Variants in HSPA14 observed in about 807,000 individuals in gnomAD.
HSPA14 encodes heat shock 70 kDa protein 14.
In HSPA14, 37 loss-of-function variants were observed where a neutral mutation model predicts 65.5. The ratio of observed to expected loss-of-function variants is 0.56; its 90% CI spans 0.43 to 0.74. HSPA14 has a LOEUF of 0.74. HSPA14 is among the 30% of genes least tolerant of loss of function. The pLI, the probability that HSPA14 is intolerant of heterozygous loss-of-function variation, is 0.00. For synonymous variants in HSPA14, 203 were observed against 214.2 expected (o/e 0.95, Z 0.46); for missense variants, 564 against 607.6 (o/e 0.93, Z 0.75).
At chr10:14,867,423 C>T (rs930734982) in intron 11 of HSPA14, 128 bp downstream of exon 11, 5 of 647,810 alleles carry the variant, frequency 7.7e-6, no homozygotes, top group South Asian at 2.2e-5. Context: ...TGTATACTGA[C>T]AGGTCTTAAA....
intron 10 of HSPA14, among the ~76,000 whole-genome samples, chr10:14,865,110 T>G (rs1372569755): frequency 2.0e-5 from 3 of 152,254 alleles, no homozygotes; most frequent in Non-Finnish European, 4.4e-5. Context: ...TTTGGCTGCA[T>G]AAATGTCTTC....
rs1037305258 is a variant in HSPA14, at chr10:14,842,407, T to C, written c.221+2250T>C. 6.5e-7 allele frequency: 1 copy of C among 1,536,018 alleles called. No individual in the cohort carries two copies. The highest frequency in any genetic ancestry group is 1.4e-5 in the African/African-American group (1 of 73,054). ...TCCAGACTGTGCATCACAATGCAGA[T>C]GTCTATCAGGCTGTGTCTAAGCGAA... On this transcript the variant is annotated intron_variant, in intron 3 of 13. Coordinates refer to ENST00000378372, the MANE Select transcript of HSPA14 (RefSeq NM_016299.4). This position sits in a 1 kb window ranked among gnomAD's most constrained non-coding sequence, Gnocchi z 5.2.
rs1057301547 is a variant in HSPA14, at chr10:14,844,123, G to A, written c.221+3966G>A. On this transcript the variant is annotated intron_variant, in intron 3 of 13. Coordinates refer to ENST00000378372, the MANE Select transcript of HSPA14 (RefSeq NM_016299.4). ...ACCTAATAGAAAACGATGGAGCCAC[G>A]TTCTAGACAGCTGGTTCATCCTAGC... 3.7e-6 allele frequency: 5 copies of A among 1,350,930 alleles called. No individual in the cohort carries two copies. The African/African-American group carries it at 4.4e-5, about 12-fold the overall frequency. 83.7% of individuals were successfully genotyped at this position (1,350,930 alleles called of 1,614,324 possible). A position where few individuals can be genotyped will look rare whatever the true frequency, so the allele number is the denominator to read the frequency against.
rs1275302626 is a variant in HSPA14, at chr10:14,867,138, A to G, written c.1049A>G (p.Asp350Gly). ...CCAAAGCTACAGCAACTGATTAAAGATCTTTTCCCAGCTGTTGAGCTTCTC... is the reference window on the plus strand; with the variant it reads ...CCAAAGCTACAGCAACTGATTAAAGGTCTTTTCCCAGCTGTTGAGCTTCTC... ...RIPKLQQLIKDLFPAVELLNS... is the reference protein window; with the variant it reads ...RIPKLQQLIKGLFPAVELLNS... The change falls in exon 11 of 14, where the codon GAT becomes GGT. Residue 350 changes from aspartate to glycine, a missense_variant. Asp to Gly is a moderately conservative substitution (Grantham distance 94, BLOSUM62 -1). Coordinates refer to ENST00000378372, the MANE Select transcript of HSPA14 (RefSeq NM_016299.4). 1 of 1,613,822 alleles carries G rather than the reference A, an allele frequency of 6.2e-7. No homozygotes were observed. The highest frequency in any genetic ancestry group is 1.1e-5 in the South Asian group (1 of 91,066).
rs564464424 is a variant in HSPA14 at position 14,842,410 on chromosome 10, C to A, written c.221+2253C>A. The A allele has an allele frequency of 6.5e-7, 1 of 1,536,186 alleles. No homozygotes were observed. Among genetic ancestry groups the A allele is most frequent in the African/African-American group, 1.4e-5 (1 of 73,182 alleles). On this transcript the variant is annotated intron_variant, in intron 3 of 13. Transcript: ENST00000378372. This position sits in a 1 kb window ranked among gnomAD's most constrained non-coding sequence, Gnocchi z 5.2. ...AGACTGTGCATCACAATGCAGATGT[C>A]TATCAGGCTGTGTCTAAGCGAATGC... is the stretch of plus-strand genomic sequence containing the variant.
chr10:14,853,403 G>C (rs1240184549), intron 8 of HSPA14, among the ~76,000 whole-genome samples: 1 of 152,106 alleles, frequency 6.6e-6, no homozygotes, highest in Non-Finnish European at 1.5e-5. Context: ...AACAGTGATT[G>C]TGCTGTGATT....
Position 14,852,432 on chromosome 10 carries a change from G to A in HSPA14, c.635G>A (p.Ser212Asn). 1 of 1,613,926 alleles carries A rather than the reference G, an allele frequency of 6.2e-7. No homozygotes were observed. Among genetic ancestry groups the A allele is most frequent in the Non-Finnish European group, 8.5e-7 (1 of 1,179,828 alleles). Residue 212 changes from serine to asparagine, a missense_variant, in exon 8 of 14, where the codon AGT (serine) becomes AAT (asparagine). Transcript: ENST00000378372. Reference sequence around the variant, plus strand: ...TCTCTCAGCGTCATGGAAGTTAACAGTGGAATATATCGGGTTCTTTCAACA... The same window carrying A: ...TCTCTCAGCGTCATGGAAGTTAACAATGGAATATATCGGGTTCTTTCAACA... ...SLSLSVMEVN[S>N]GIYRVLSTNT...
At chr10:14,850,724 T>C (rs1706311213) in intron 6 of HSPA14, 1 of 152,280 alleles carries the variant, frequency 6.6e-6, no homozygotes, top group African/African-American at 2.4e-5. Flanking sequence ...TAAATGTGTA[T>C]TGATTACTGT....
chr10:14,839,873 T>A lies in HSPA14; in HGVS notation c.58-32T>A, dbSNP rs182614255. 9.6e-6 allele frequency: 15 copies of A among 1,555,206 alleles called. No individual in the cohort carries two copies. The Admixed American group carries it at 2.0e-4, about 21-fold the overall frequency. ...AATGCACACGTCTGAATACGTCTAA[T>A]GAGACTATGTATTTCGTGTTTTTTT... On this transcript the variant is annotated intron_variant, in intron 1 of 13. Transcript: ENST00000378372.
chr10:14,866,988 T>C (rs926000679), intron 10 of HSPA14, 95 bp from the exon 11 acceptor site: 2 of 829,730 alleles, frequency 2.4e-6, no homozygotes, highest in East Asian at 4.9e-5. Flanking sequence ...ATTTTATCTT[T>C]ACATACGATG....
intron 10 of HSPA14, among the ~76,000 whole-genome samples, chr10:14,859,056 G>GA (rs1312407451): frequency 3.9e-5 from 6 of 152,148 alleles, no homozygotes; most frequent in African/African-American, 1.4e-4. Context: ...TCTGGCCTGA[G>GA]AGCAGAGAGC....
chr10:14,848,692 T>C (rs201822829), intron 4 of HSPA14, 35 bp downstream of exon 4: 85 of 1,542,964 alleles, frequency 5.5e-5, no homozygotes, highest in South Asian at 2.3e-4. Flanking sequence ...CCCTGTTACA[T>C]AGAGTAATTA....
intron 10 of HSPA14, among the ~76,000 whole-genome samples, chr10:14,864,769 G>A (rs146410457): frequency 6.6e-6 from 1 of 152,296 alleles, no homozygotes; most frequent in African/African-American, 2.4e-5. Flanking sequence ...GTTGTGAATA[G>A]TACCGCAATG....
intron 3 of HSPA14, chr10:14,843,926 C>G: frequency 6.5e-7 from 1 of 1,533,968 alleles, no homozygotes; most frequent in Non-Finnish European, 8.7e-7. Flanking sequence ...GCTTCCTAAA[C>G]TGGTAGAAGT....
intron 10 of HSPA14, among the ~76,000 whole-genome samples, chr10:14,858,263 A>G (rs1832724580): frequency 6.6e-6 from 1 of 152,188 alleles, no homozygotes; most frequent in Non-Finnish European, 1.5e-5. Flanking sequence ...TTCTTAACCA[A>G]CCGGTCATGA....
rs1235132938 is a variant in HSPA14 at position 14,855,903 on chromosome 10, T to G, written c.953T>G (p.Leu318Arg). The change falls in exon 10 of 14, where the codon CTC becomes CGC. Residue 318 changes from leucine (L) to arginine (R), a missense_variant. Transcript: ENST00000378372. ...AAGTGTATAGAAGCAATCAGAGGAC[T>G]CTTAGATCAAAATGGATTTACAGCA... Reference protein sequence around the residue: ...FNKCIEAIRGLLDQNGFTADD... With the variant: ...FNKCIEAIRGRLDQNGFTADD... 1 of 1,607,586 alleles carries G rather than the reference T, an allele frequency of 6.2e-7. No individual in the cohort carries two copies. The highest frequency in any genetic ancestry group is 8.5e-7 in the Non-Finnish European group (1 of 1,174,528).
intron 9 of HSPA14, 133 bp downstream of exon 9, chr10:14,854,413 G>A: frequency 1.4e-6 from 1 of 691,370 alleles, no homozygotes; most frequent in Non-Finnish European, 2.3e-6. Context: ...TCACTTTATT[G>A]GGGTCCAGTT....
At chr10:14,848,246 A>G (rs920866272) in intron 3 of HSPA14, among the ~76,000 whole-genome samples, 43 of 152,100 alleles carry the variant, frequency 2.8e-4, no homozygotes, top group Admixed American at 2.8e-3. Flanking sequence ...TTAGTTTGCA[A>G]CTTTCTCATC....
intron 10 of HSPA14, among the ~76,000 whole-genome samples, chr10:14,863,037 T>A (rs956925304): frequency 6.6e-6 from 1 of 152,064 alleles, no homozygotes; most frequent in Admixed American, 6.6e-5. Flanking sequence ...TTTTTACATA[T>A]GTATTTTTGG....
Sources: gnomAD v4.1 joint callset for allele counts (sites outside exome capture counted in the v4.1 genomes callset) on GRCh38, gnomAD v4.1.1 for gene constraint, Gnocchi (gnomAD v3.1) non-coding constraint, MANE v1.5 for transcripts, NCBI Gene and HGNC (gene_info 2026-07-23, HGNC 2026-07-21) for gene names.